Variants in ANKS6 observed in about 807,000 individuals in gnomAD.
The protein encoded by ANKS6 is ankyrin repeat and sterile alpha motif domain containing 6.
A neutral mutation model predicts 77.9 loss-of-function variants in ANKS6; 47 were observed. The ratio of observed to expected loss-of-function variants is 0.60; its 90% CI spans 0.48 to 0.77. The LOEUF is 0.77. Among genes scored for constraint, ANKS6 ranks in the 30% least tolerant of loss-of-function variants. ANKS6 has a pLI of 0.00. For synonymous variants in ANKS6, 488 were observed against 501.7 expected, an observed-to-expected ratio of 0.97 and a Z score of 0.37; for missense variants, 1,150 against 1,159.1, an observed-to-expected ratio of 0.99 and a Z score of 0.11.
chr9:98,773,728 T>G, intron 9 of ANKS6, 149 bp downstream of exon 9: 2 of 581,110 alleles, frequency 3.4e-6, no homozygotes, highest in Non-Finnish European at 5.4e-6. Flanking sequence ...CTGTAGGGCT[T>G]CATTAGACAA....
rs1198762330 is a variant in ANKS6, at chr9:98,774,012, T to C, written c.1686A>G (p.Leu562=). ...TCCACAGCTCAAAACTGGAAGGGGG[T>C]AGGAATGGGGGGATGACTGCTTTCA... ...DKLKAVIPPF[L]PPSSFELWSS... Residue 562 remains leucine (L), a synonymous_variant, in exon 9 of 15, where the codon CTA becomes CTG. Coordinates refer to ENST00000353234, the MANE Select transcript of ANKS6 (RefSeq NM_173551.5). The C allele has an allele frequency of 1.6e-6, 2 of 1,271,370 alleles. No homozygotes were observed. Among genetic ancestry groups the C allele is most frequent in the African/African-American group, 1.6e-5 (1 of 62,108 alleles). 78.8% of individuals were successfully genotyped at this position (1,271,370 alleles called of 1,614,324 possible).
In ANKS6 at chr9:98,791,109, GCTT is replaced by G. The variant is rs1368138148; in HGVS notation, c.360-506_360-504del. Among the ~76,000 whole-genome samples the G allele has an allele frequency of 2.6e-5, 4 of 152,280 alleles. No homozygotes were observed. The highest frequency in any genetic ancestry group is 9.6e-5 in the African/African-American group (4 of 41,534). Reference sequence around the variant, plus strand: ...GGTCTGTGTGAATGCCGCTGCCCTTGCTTTTTCTCTTACACCATGCTGCCTCCT... The same window carrying G: ...GGTCTGTGTGAATGCCGCTGCCCTTGTTTCTCTTACACCATGCTGCCTCCT... On this transcript the variant is annotated intron_variant, in intron 1 of 14. Coordinates refer to ENST00000353234, the MANE Select transcript of ANKS6 (RefSeq NM_173551.5). The surrounding 1 kb of genome is among the most constrained non-coding windows in gnomAD (Gnocchi z 4.3).
At chr9:98,767,576 G>A (rs188109447) in intron 11 of ANKS6, among the ~76,000 whole-genome samples, 1 of 152,332 alleles carries the variant, frequency 6.6e-6, no homozygotes, top group Non-Finnish European at 1.5e-5. Flanking sequence ...GCCAGGCACA[G>A]AGCAGATGCT....
At position 98,756,640 on chromosome 9, in the gene ANKS6, C is replaced by A. The variant is rs78858055; in HGVS notation, c.2143-37G>T. ...AGTAAGACAAATACATAAGCCATCA[C>A]CTGTAGGGTAGAAATGAGGAAAACA... On this transcript the variant is annotated intron_variant, in intron 11 of 14. Coordinates refer to ENST00000353234, the MANE Select transcript of ANKS6 (RefSeq NM_173551.5). 22,997 of 1,434,002 alleles carry A rather than the reference C, an allele frequency of 0.016. 236 individuals are homozygous for A. Among genetic ancestry groups the A allele is most frequent in the Non-Finnish European group, 0.018 (19,604 of 1,090,324 alleles). 88.8% of individuals were successfully genotyped at this position (1,434,002 alleles called of 1,614,324 possible).
chr9:98,774,049 G>C lies in ANKS6; in HGVS notation c.1649C>G (p.Pro550Arg). The C allele has an allele frequency of 6.5e-7, 1 of 1,547,274 alleles. No individual in the cohort carries two copies. Among genetic ancestry groups the C allele is most frequent in the Non-Finnish European group, 8.7e-7 (1 of 1,144,794 alleles). The change falls in exon 9 of 15, where the codon CCG (proline) becomes CGG (arginine). Residue 550 changes from proline (P) to arginine (R), a missense_variant. Pro to Arg is a moderately radical substitution (Grantham distance 103). Transcript: ENST00000353234. ...LRNGAPLTRL[P>R]SDKLKAVIPP... Reference sequence around the variant, plus strand: ...GATGACTGCTTTCAGCTTGTCACTCGGGAGTCTGGTGAGGGGAGCTCCGTT... The same window carrying C: ...GATGACTGCTTTCAGCTTGTCACTCCGGAGTCTGGTGAGGGGAGCTCCGTT...
chr9:98,743,623 G>A (rs1413675055), intron 14 of ANKS6, among the ~76,000 whole-genome samples: 5 of 152,148 alleles, frequency 3.3e-5, no homozygotes, highest in African/African-American at 1.2e-4. Flanking sequence ...TCTCCTTTAT[G>A]TGCTGTGGGT....
Position 98,734,968 on chromosome 9 carries a change from G to C in ANKS6, c.*1551C>G, listed in dbSNP as rs1831415218. ...CAGGGCAGGGGAAGAAAACTACGAG[G>C]CTCTGGGCAGTAAGTTAACGACAGC... On this transcript the variant is annotated 3_prime_UTR_variant, in exon 15 of 15. Coordinates refer to ENST00000353234, the MANE Select transcript of ANKS6 (RefSeq NM_173551.5). 1.0e-6 allele frequency: 1 copy of C among 985,338 alleles called. No individual in the cohort carries two copies. The highest frequency in any genetic ancestry group is 1.7e-5 in the African/African-American group (1 of 57,224). The allele number at this position is 985,338 out of a possible 1,614,324, so 61.0% of individuals were successfully genotyped here. A position where few individuals can be genotyped will look rare whatever the true frequency, so the allele number is the denominator to read the frequency against.
rs1322781837 is a variant in ANKS6, at chr9:98,734,564, G to A, written c.*1955C>T. 1.0e-6 allele frequency: 1 copy of A among 985,338 alleles called. No individual in the cohort carries two copies. The highest frequency in any genetic ancestry group is 1.7e-5 in the African/African-American group (1 of 57,240). The allele number at this position is 985,338 out of a possible 1,614,324, so 61.0% of individuals were successfully genotyped here. On this transcript the variant is annotated 3_prime_UTR_variant, in exon 15 of 15. Coordinates refer to ENST00000353234, the MANE Select transcript of ANKS6 (RefSeq NM_173551.5). Reference sequence around the variant, plus strand: ...AGAATCACAAGTGCTTCTAGCTCCAGGAGTCTATAGGAGTTAGTGGAAAAG... The same window carrying A: ...AGAATCACAAGTGCTTCTAGCTCCAAGAGTCTATAGGAGTTAGTGGAAAAG...
chr9:98,796,001 CAA>C, intron 1 of ANKS6, 130 bp downstream of exon 1: 2 of 889,408 alleles, frequency 2.2e-6, no homozygotes, highest in Non-Finnish European at 3.0e-6. Flanking sequence ...AAAGACTACT[CAA>C]AGTTTACCAT....
At chr9:98,746,848 G>A (rs905628785) in intron 13 of ANKS6, among the ~76,000 whole-genome samples, 7 of 152,204 alleles carry the variant, frequency 4.6e-5, no homozygotes, top group African/African-American at 1.7e-4. Context: ...TGCAGACAAT[G>A]CTACAGCTTC....
At chr9:98,742,681 T>C (rs937803457) in intron 14 of ANKS6, among the ~76,000 whole-genome samples, 11 of 152,096 alleles carry the variant, frequency 7.2e-5, no homozygotes, top group East Asian at 3.9e-4. Flanking sequence ...ACAGGTGGGA[T>C]TGAGTGGTGC....
chr9:98,741,282 TATC>T (rs1244000418), intron 14 of ANKS6, among the ~76,000 whole-genome samples: 1 of 152,218 alleles, frequency 6.6e-6, no homozygotes, highest in Non-Finnish European at 1.5e-5. Flanking sequence ...GACCCAAATT[TATC>T]TCAGTTATAT....
At position 98,751,033 on chromosome 9, in the gene ANKS6, T is replaced by C; in HGVS notation, c.2390A>G (p.Gln797Arg). The change falls in exon 13 of 15, where the codon CAA becomes CGA. Residue 797 changes from glutamine (Q) to arginine (R), a missense_variant. Transcript: ENST00000353234. ...ATTCAAAAAGAGCATTCTTACCTCT[T>C]GTTCCTCAAAAATGGGCTGATATTT... ...LEKYQPIFEE[Q>R]EVDMEAFLTL... 1 of 1,608,300 alleles carries C rather than the reference T, an allele frequency of 6.2e-7. No homozygotes were observed. The highest frequency in any genetic ancestry group is 8.5e-7 in the Non-Finnish European group (1 of 1,177,212).
Position 98,734,252 on chromosome 9 carries a change from T to C in ANKS6, c.*2267A>G. 1 of 985,518 alleles carries C rather than the reference T, an allele frequency of 1.0e-6. No individual in the cohort carries two copies. The highest frequency in any genetic ancestry group is 5.2e-4 in the Middle Eastern group (1 of 1,916). The allele number at this position is 985,518 out of a possible 1,614,324, so 61.0% of individuals were successfully genotyped here. A position where few individuals can be genotyped will look rare whatever the true frequency, so the allele number is the denominator to read the frequency against. On this transcript the variant is annotated 3_prime_UTR_variant, in exon 15 of 15. Transcript: ENST00000353234. Reference sequence around the variant, plus strand: ...GAAAGGCATTGTCTGGAGCCTCTGCTGTCCTGTCTGCAAAATGGGAATAGC... The same window carrying C: ...GAAAGGCATTGTCTGGAGCCTCTGCCGTCCTGTCTGCAAAATGGGAATAGC...
Position 98,734,059 on chromosome 9 carries a change from G to A in ANKS6, c.*2460C>T. On this transcript the variant is annotated 3_prime_UTR_variant, in exon 15 of 15. Transcript: ENST00000353234. ...CTCCCTGACGATCTATAACCTACAT[G>A]TTCCGTGCTGCCTCCACACATGCCC... 5.1e-6 allele frequency: 5 copies of A among 985,348 alleles called. No individual in the cohort carries two copies. Among genetic ancestry groups the A allele is most frequent in the Non-Finnish European group, 6.0e-6 (5 of 829,960 alleles). 61.0% of individuals were successfully genotyped at this position (985,348 alleles called of 1,614,324 possible). A position where few individuals can be genotyped will look rare whatever the true frequency, so the allele number is the denominator to read the frequency against.
intron 9 of ANKS6, among the ~76,000 whole-genome samples, chr9:98,773,249 A>T (rs759742594): frequency 1.3e-5 from 2 of 152,188 alleles, no homozygotes; most frequent in African/African-American, 2.4e-5. Flanking sequence ...CATCGTATAG[A>T]GATAGAGGCC....
At chr9:98,745,183 C>A (rs1455962897) in intron 14 of ANKS6, among the ~76,000 whole-genome samples, 2 of 152,152 alleles carry the variant, frequency 1.3e-5, no homozygotes, top group African/African-American at 4.8e-5. Context: ...TCATCCCCAC[C>A]CTACAGACAG....
At chr9:98,741,146 A>T (rs1831805797) in intron 14 of ANKS6, among the ~76,000 whole-genome samples, 1 of 152,238 alleles carries the variant, frequency 6.6e-6, no homozygotes, top group African/African-American at 2.4e-5. Context: ...AATCTACATA[A>T]CCAACAGGTA....
At chr9:98,745,772 T>G (rs1832095146) in intron 13 of ANKS6, 97 bp from the exon 14 acceptor site, 1 of 892,872 alleles carries the variant, frequency 1.1e-6, no homozygotes, top group Non-Finnish European at 1.9e-6. Flanking sequence ...TGAGTGCTTA[T>G]TAGTAGTAAA....
Sources: gnomAD v4.1 joint callset for allele counts (sites outside exome capture counted in the v4.1 genomes callset) on GRCh38, gnomAD v4.1.1 for gene constraint, Gnocchi (gnomAD v3.1) non-coding constraint, MANE v1.5 for transcripts, NCBI Gene and HGNC (gene_info 2026-07-23, HGNC 2026-07-21) for gene names.